Variants in NLGN1 observed in about 807,000 individuals in gnomAD.
The protein encoded by NLGN1 is neuroligin-1.
NLGN1 carries 12 observed loss-of-function variants against 65.5 expected under a neutral mutation model. The observed-to-expected ratio is 0.18, with a 90% CI of 0.12 to 0.30. The LOEUF is 0.30. Ranked by LOEUF, NLGN1 falls within the 10% of genes least tolerant of loss-of-function variation. The pLI is 1.00. For synonymous variants in NLGN1, 350 were observed against 359.5 expected (o/e 0.97, Z 0.30); for missense variants, 750 against 1,007.1 (o/e 0.74, Z 3.46).
chr3:173,434,052 T>G (rs73883142), intron 1 of NLGN1, among the ~76,000 whole-genome samples: 4,392 of 152,268 alleles, frequency 0.029, 210 homozygotes, highest in African/African-American at 0.1. Context: ...ACTGTAGAAG[T>G]AGAAAATACA....
At chr3:173,501,017 C>G (rs9853119) in intron 2 of NLGN1, among the ~76,000 whole-genome samples, 1 of 152,046 alleles carries the variant, frequency 6.6e-6, no homozygotes, top group Non-Finnish European at 1.5e-5. Flanking sequence ...ATCAAATGAC[C>G]GTGTTAGTAT....
rs567875044 is a variant in NLGN1 at position 173,769,053 on chromosome 3, C to T, written c.494-38627C>T. On this transcript the variant is annotated intron_variant, in intron 3 of 6. Coordinates refer to ENST00000457714, the Ensembl canonical transcript of NLGN1. ...CAAACTACTGGGATTACAGGCCCAG[C>T]CTCAAATTAACATTTTAACCGACCT... Among the ~76,000 whole-genome samples, 5 of 152,222 alleles carry T rather than the reference C, an allele frequency of 3.3e-5. No individual in the cohort carries two copies. The East Asian group carries it at 9.7e-4, about 29-fold the overall frequency.
chr3:174,276,182 A>G (rs969385267), intron 5 of NLGN1, among the ~76,000 whole-genome samples: 2 of 151,882 alleles, frequency 1.3e-5, no homozygotes, highest in Non-Finnish European at 2.9e-5. Context: ...AGCATGGAGT[A>G]TTGAGGCTGC....
intron 4 of NLGN1, among the ~76,000 whole-genome samples, chr3:173,879,530 A>G (rs1213813715): frequency 6.6e-6 from 1 of 152,110 alleles, no homozygotes; most frequent in Admixed American, 6.6e-5. Context: ...GCATAGTTAT[A>G]ATAGCTGTTT....
intron 3 of NLGN1, among the ~76,000 whole-genome samples, chr3:173,752,769 A>G (rs1041763095): frequency 1.1e-4 from 16 of 152,048 alleles, no homozygotes; most frequent in African/African-American, 2.9e-4. Context: ...TGATTCTGCT[A>G]CTGTTCACCT....
At chr3:173,619,031 C>G (rs1316197491) in intron 3 of NLGN1, among the ~76,000 whole-genome samples, 1 of 152,128 alleles carries the variant, frequency 6.6e-6, no homozygotes, top group Non-Finnish European at 1.5e-5. Context: ...TCTTGAAATT[C>G]ATAATACTTT....
At chr3:173,497,780 G>A (rs1730281576) in intron 2 of NLGN1, among the ~76,000 whole-genome samples, 1 of 151,720 alleles carries the variant, frequency 6.6e-6, no homozygotes, top group African/African-American at 2.4e-5. Flanking sequence ...GGCCCAGGTA[G>A]CCTAGGCTAT....
chr3:173,921,191 A>T (rs1448037237), intron 4 of NLGN1, among the ~76,000 whole-genome samples: 1 of 126,914 alleles, frequency 7.9e-6, no homozygotes, highest in Non-Finnish European at 1.7e-5. Flanking sequence ...TTATATATAC[A>T]ATATATATGT....
intron 4 of NLGN1, chr3:174,180,670 G>T (rs1341736903): frequency 6.6e-6 from 1 of 151,938 alleles, no homozygotes; most frequent in Non-Finnish European, 1.5e-5. Context: ...CAGTAATTAG[G>T]AATTCAGTTA....
At position 173,788,658 on chromosome 3, in the gene NLGN1, C is replaced by G. The variant is rs141519105; in HGVS notation, c.494-19022C>G. On this transcript the variant is annotated intron_variant, in intron 3 of 6. Coordinates refer to ENST00000457714, the Ensembl canonical transcript of NLGN1. ...GAGTGGTGGAGTCAGGAAACAAAAT[C>G]AAGAAATCTTACTCCTGCTGGATGC... is the stretch of plus-strand genomic sequence containing the variant. 2.0e-5 allele frequency among the ~76,000 whole-genome samples: 3 copies of G among 151,644 alleles called. No homozygotes were observed. The East Asian group carries it at 5.8e-4, about 29-fold the overall frequency.
intron 4 of NLGN1, among the ~76,000 whole-genome samples, chr3:173,966,733 T>TA (rs1714956580): frequency 6.6e-6 from 1 of 152,162 alleles, no homozygotes; most frequent in Non-Finnish European, 1.5e-5. Context: ...AAGCATAATA[T>TA]AAAAATAGAC....
intron 2 of NLGN1, among the ~76,000 whole-genome samples, chr3:173,558,709 A>G (rs935565498): frequency 5.9e-5 from 9 of 152,154 alleles, no homozygotes; most frequent in African/African-American, 1.7e-4. Flanking sequence ...CATAGTTATA[A>G]TGGTTATTTT....
chr3:174,227,192 T>TGGCTG (rs1276806452), intron 4 of NLGN1, among the ~76,000 whole-genome samples: 40 of 152,176 alleles, frequency 2.6e-4, no homozygotes, highest in African/African-American at 9.4e-4. Flanking sequence ...GCCATGTTTA[T>TGGCTG]TACCTGTACA....
intron 2 of NLGN1, among the ~76,000 whole-genome samples, chr3:173,474,399 A>C (rs1288833561): frequency 2.6e-5 from 4 of 152,188 alleles, no homozygotes; most frequent in Admixed American, 1.3e-4. Flanking sequence ...CCTAAAAAAA[A>C]GCCCCAAACC....
chr3:173,504,005 A>G (rs138986560), intron 2 of NLGN1, among the ~76,000 whole-genome samples: 213 of 152,224 alleles, frequency 1.4e-3, no homozygotes, highest in African/African-American at 4.9e-3. Context: ...GAAAATAGCA[A>G]CATCAGAAAT....
chr3:173,736,795 T>C (rs1773844672), intron 3 of NLGN1, among the ~76,000 whole-genome samples: 3 of 152,016 alleles, frequency 2.0e-5, no homozygotes, highest in Admixed American at 6.6e-5. Flanking sequence ...TAGAAATATA[T>C]ATTTATATTT....
chr3:173,963,901 AT>A (rs1016619183), intron 4 of NLGN1, among the ~76,000 whole-genome samples: 6 of 152,134 alleles, frequency 3.9e-5, no homozygotes, highest in African/African-American at 1.4e-4. Context: ...GTGAATGAAA[AT>A]TCTATAAAAG....
At chr3:174,065,649 A>G (rs1420248162) in intron 4 of NLGN1, among the ~76,000 whole-genome samples, 2 of 152,016 alleles carry the variant, frequency 1.3e-5, no homozygotes, top group African/African-American at 2.4e-5. Context: ...CAAAGTTCCT[A>G]CTTACTTGCT....
chr3:174,111,654 A>G (rs1446708014), intron 4 of NLGN1, among the ~76,000 whole-genome samples: 4 of 151,986 alleles, frequency 2.6e-5, no homozygotes, highest in Non-Finnish European at 4.4e-5. Context: ...AGGAAAGCAA[A>G]GGAGTAGTGT....
Sources: gnomAD v4.1 joint callset for allele counts (sites outside exome capture counted in the v4.1 genomes callset) on GRCh38, gnomAD v4.1.1 for gene constraint, MANE v1.5 for transcripts, NCBI Gene and HGNC (gene_info 2026-07-23, HGNC 2026-07-21) for gene names.